GULP1: variants seen among roughly 807,000 people sequenced by gnomAD.
The protein encoded by GULP1 is GULP PTB domain containing engulfment adaptor 1.
A neutral mutation model predicts 40.9 loss-of-function variants in GULP1; 19 were observed. The ratio of observed to expected loss-of-function variants is 0.46; its 90% CI spans 0.32 to 0.68. The LOEUF (loss-of-function observed/expected upper bound fraction) is 0.68, where lower values mean the gene tolerates loss of function less well. GULP1 is among the 30% of genes least tolerant of loss of function. The pLI is 0.03. For synonymous variants in GULP1, 119 were observed against 117.6 expected, an observed-to-expected ratio of 1.01 and a Z score of -0.08; for missense variants, 312 against 362.2, an observed-to-expected ratio of 0.86 and a Z score of 1.12.
intron 2 of GULP1, among the ~76,000 whole-genome samples, chr2:188,423,248 T>A (rs1204904188): frequency 6.6e-6 from 1 of 152,086 alleles, no homozygotes; most frequent in Non-Finnish European, 1.5e-5. Context: ...ATTATAATCA[T>A]CTTATTTTAA....
intron 2 of GULP1, among the ~76,000 whole-genome samples, chr2:188,475,261 T>C (rs1307402551): frequency 6.6e-6 from 1 of 152,182 alleles, no homozygotes; most frequent in Non-Finnish European, 1.5e-5. Flanking sequence ...TTATCTGATA[T>C]ATATCGACAT....
intron 2 of GULP1, among the ~76,000 whole-genome samples, chr2:188,390,446 C>A (rs2050363225): frequency 6.6e-6 from 1 of 151,940 alleles, no homozygotes; most frequent in African/African-American, 2.4e-5. Flanking sequence ...CATTTGTCCA[C>A]TTTTAGATGG....
intron 7 of GULP1, among the ~76,000 whole-genome samples, chr2:188,558,956 A>C (rs1695546420): frequency 6.6e-6 from 1 of 152,228 alleles, no homozygotes. Context: ...TAAGGGAAGC[A>C]GAGCATAAAA....
chr2:188,489,280 T>C (rs1163807834), intron 4 of GULP1, among the ~76,000 whole-genome samples: 1 of 152,002 alleles, frequency 6.6e-6, no homozygotes, highest in Non-Finnish European at 1.5e-5. Flanking sequence ...AATTGCAATT[T>C]CATGAGATTC....
chr2:188,573,367 T>A (rs1196578255), intron 9 of GULP1, among the ~76,000 whole-genome samples: 1 of 152,208 alleles, frequency 6.6e-6, no homozygotes, highest in Non-Finnish European at 1.5e-5. Flanking sequence ...TTTTGAAGAT[T>A]TATTAATGAT....
At chr2:188,395,612 G>A (rs1381305775) in intron 2 of GULP1, among the ~76,000 whole-genome samples, 1 of 152,130 alleles carries the variant, frequency 6.6e-6, no homozygotes, top group African/African-American at 2.4e-5. Flanking sequence ...GAAAGTTCTG[G>A]GATTCAAGTT....
At chr2:188,361,435 G>C (rs2046071068) in intron 1 of GULP1, among the ~76,000 whole-genome samples, 1 of 151,794 alleles carries the variant, frequency 6.6e-6, no homozygotes, top group Non-Finnish European at 1.5e-5. Flanking sequence ...GAGAGAGAGA[G>C]AGAAACAAGG....
At chr2:188,368,628 TA>T (rs146239982) in intron 1 of GULP1, among the ~76,000 whole-genome samples, 16 of 151,520 alleles carry the variant, frequency 1.1e-4, no homozygotes, top group African/African-American at 3.6e-4. Context: ...AGACTTTAGT[TA>T]AAAAAATGTT....
chr2:188,507,507 C>A (rs1360255366), intron 4 of GULP1, among the ~76,000 whole-genome samples: 3 of 148,024 alleles, frequency 2.0e-5, no homozygotes, highest in African/African-American at 7.5e-5. Flanking sequence ...GAATAAGTAT[C>A]ATGACTCTAA....
intron 5 of GULP1, among the ~76,000 whole-genome samples, chr2:188,523,255 G>T (rs549639942): frequency 5.3e-5 from 8 of 152,244 alleles, no homozygotes; most frequent in African/African-American, 1.9e-4. Context: ...CCAGAATTTT[G>T]CAGTGACACT....
At chr2:188,465,875 T>C (rs1243323585) in intron 2 of GULP1, among the ~76,000 whole-genome samples, 12 of 151,964 alleles carry the variant, frequency 7.9e-5, no homozygotes, top group Non-Finnish European at 1.8e-4. Context: ...TTCAAGACTG[T>C]TTTTCCAGTG....
chr2:188,310,861 T>C (rs1425301607), intron 1 of GULP1, among the ~76,000 whole-genome samples: 1 of 152,148 alleles, frequency 6.6e-6, no homozygotes, highest in African/African-American at 2.4e-5. Context: ...CTAATAGAGA[T>C]CTAAACTAGA....
At chr2:188,487,918 A>C (rs1233348575) in intron 4 of GULP1, among the ~76,000 whole-genome samples, 1 of 151,958 alleles carries the variant, frequency 6.6e-6, no homozygotes, top group African/African-American at 2.4e-5. Flanking sequence ...AAATTTGCCA[A>C]CAAAAAAATT....
At position 188,570,101 on chromosome 2, in the gene GULP1, C is replaced by T; in HGVS notation, c.590C>T (p.Thr197Ile). Residue 197 changes from threonine (T) to isoleucine (I), a missense_variant, in exon 9 of 12, where the codon ACT (threonine) becomes ATT (isoleucine). Transcript: ENST00000409830. ...GATTTGGAAAACCAACTGAGAATAA[C>T]TCAAGTATCAGCACCTCCAGTGAGT... ...VQDLENQLRI[T>I]QVSAPPAGSM... 1.4e-6 allele frequency: 2 copies of T among 1,439,162 alleles called. No individual in the cohort carries two copies. Among genetic ancestry groups the T allele is most frequent in the Non-Finnish European group, 1.9e-6 (2 of 1,036,160 alleles). The allele number at this position is 1,439,162 out of a possible 1,614,324, so 89.1% of individuals were successfully genotyped here. A position where few individuals can be genotyped will look rare whatever the true frequency, so the allele number is the denominator to read the frequency against.
At chr2:188,533,934 A>G (rs1688227825) in intron 6 of GULP1, among the ~76,000 whole-genome samples, 1 of 152,122 alleles carries the variant, frequency 6.6e-6, no homozygotes, top group Non-Finnish European at 1.5e-5. Context: ...AATGAGATAC[A>G]ATCACCACCA....
intron 2 of GULP1, among the ~76,000 whole-genome samples, chr2:188,421,106 G>A (rs1014530729): frequency 6.6e-6 from 1 of 152,076 alleles, no homozygotes; most frequent in South Asian, 2.1e-4. Context: ...TGGAAAAGAG[G>A]TAAAATTCTC....
At chr2:188,527,069 C>A (rs1240370848) in intron 5 of GULP1, among the ~76,000 whole-genome samples, 1 of 152,116 alleles carries the variant, frequency 6.6e-6, no homozygotes, top group Non-Finnish European at 1.5e-5. Context: ...CTTTCTTCCT[C>A]CCCACTCCCT....
chr2:188,378,041 G>C (rs920858405), intron 1 of GULP1, among the ~76,000 whole-genome samples: 6 of 152,006 alleles, frequency 3.9e-5, no homozygotes, highest in Non-Finnish European at 2.9e-5. Flanking sequence ...TTATATAACA[G>C]ATAAAATATA....
intron 2 of GULP1, among the ~76,000 whole-genome samples, chr2:188,458,894 A>G (rs2059485844): frequency 6.6e-6 from 1 of 151,874 alleles, no homozygotes. Flanking sequence ...CTACCTCCAT[A>G]GGTTAAATTG....
Sources: gnomAD v4.1 joint callset for allele counts (sites outside exome capture counted in the v4.1 genomes callset) on GRCh38, gnomAD v4.1.1 for gene constraint, MANE v1.5 for transcripts, NCBI Gene and HGNC (gene_info 2026-07-23, HGNC 2026-07-21) for gene names.